The following PDLIM5 variants were observed in gnomAD, a reference collection of about 807,000 sequenced individuals.
PDLIM5 encodes PDZ and LIM domain protein 5.
PDLIM5 carries 34 observed loss-of-function variants against 64.2 expected under a neutral mutation model. The observed-to-expected ratio is 0.53, with a 90% CI of 0.40 to 0.71. The LOEUF is 0.71. PDLIM5 is among the 30% of genes least tolerant of loss of function. The pLI is 0.00. For synonymous variants in PDLIM5, 253 were observed against 269.1 expected (o/e 0.94, Z 0.59); for missense variants, 683 against 733.6 (o/e 0.93, Z 0.80).
chr4:94,521,870 C>T (rs887215919), intron 2 of PDLIM5, among the ~76,000 whole-genome samples: 3 of 151,868 alleles, frequency 2.0e-5, no homozygotes, highest in African/African-American at 7.3e-5. Context: ...AATGCCTGCC[C>T]TTCTTTGCTA....
At chr4:94,523,645 A>AT in intron 2 of PDLIM5, 79 bp from the exon 3 acceptor site, 14 of 1,068,554 alleles carry the variant, frequency 1.3e-5, no homozygotes, top group Non-Finnish European at 1.9e-5. Context: ...CTTTTGGTAT[A>AT]AGCAAAAGTA....
intron 3 of PDLIM5, among the ~76,000 whole-genome samples, chr4:94,561,724 G>C (rs762234402): frequency 4.4e-4 from 67 of 152,118 alleles, no homozygotes; most frequent in Non-Finnish European, 7.9e-4. Flanking sequence ...CTCCCACCAA[G>C]GAATCTAATA....
At chr4:94,557,401 C>T (rs1458192634) in intron 3 of PDLIM5, among the ~76,000 whole-genome samples, 7 of 152,012 alleles carry the variant, frequency 4.6e-5, no homozygotes, top group Non-Finnish European at 8.8e-5. Context: ...TGTTTTTTGG[C>T]TCCATATGAA....
chr4:94,584,752 C>T (rs911173434), intron 5 of PDLIM5: 16 of 458,024 alleles, frequency 3.5e-5, no homozygotes, highest in Non-Finnish European at 5.5e-5. Flanking sequence ...CATTTAATTT[C>T]GTGAAAGCCA....
At chr4:94,537,120 C>A (rs1340791491) in intron 3 of PDLIM5, among the ~76,000 whole-genome samples, 1 of 152,108 alleles carries the variant, frequency 6.6e-6, no homozygotes, top group East Asian at 1.9e-4. Flanking sequence ...AATGGTCTTT[C>A]ATTCATTTTT....
At chr4:94,626,796 G>GT (rs201279193) in intron 8 of PDLIM5, among the ~76,000 whole-genome samples, 2,154 of 142,342 alleles carry the variant, frequency 0.015, 33 homozygotes, top group African/African-American at 0.043. Flanking sequence ...GTGTTTTTTT[G>GT]TTTTTTTTTT....
At chr4:94,548,113 G>A (rs1732482915) in intron 3 of PDLIM5, among the ~76,000 whole-genome samples, 1 of 152,108 alleles carries the variant, frequency 6.6e-6, no homozygotes, top group Admixed American at 6.6e-5. Context: ...TTTTCTTGAT[G>A]CCAACTGTAC....
At chr4:94,607,147 G>C (rs1737995239) in intron 7 of PDLIM5, among the ~76,000 whole-genome samples, 1 of 151,838 alleles carries the variant, frequency 6.6e-6, no homozygotes, top group Non-Finnish European at 1.5e-5. Flanking sequence ...TCAACACTCT[G>C]GTAAAGGTAT....
chr4:94,628,291 A>G (rs1739861548), intron 8 of PDLIM5, among the ~76,000 whole-genome samples: 2 of 152,220 alleles, frequency 1.3e-5, no homozygotes, highest in South Asian at 2.1e-4. Flanking sequence ...ACCATAAAAT[A>G]GCTGACCTAC....
At chr4:94,637,256 G>A (rs1740646045) in intron 8 of PDLIM5, among the ~76,000 whole-genome samples, 1 of 152,108 alleles carries the variant, frequency 6.6e-6, no homozygotes, top group Non-Finnish European at 1.5e-5. Context: ...GCTGTTGTAA[G>A]GATTTAAGAA....
chr4:94,587,282 C>T, intron 7 of PDLIM5: 1 of 1,080,084 alleles, frequency 9.3e-7, no homozygotes. Flanking sequence ...AAATGTAAAA[C>T]CAAAAAAAAA....
intron 2 of PDLIM5, among the ~76,000 whole-genome samples, chr4:94,465,231 G>A (rs1239490800): frequency 6.6e-6 from 1 of 151,996 alleles, no homozygotes; most frequent in Admixed American, 6.5e-5. Context: ...GACTATTCCA[G>A]TTCAATTCGG....
intron 2 of PDLIM5, among the ~76,000 whole-genome samples, chr4:94,475,821 C>T (rs545500951): frequency 2.6e-4 from 40 of 152,150 alleles, no homozygotes; most frequent in South Asian, 2.1e-3. Flanking sequence ...CAAATTACCT[C>T]GGGGTTGTTT....
At position 94,666,860 on chromosome 4, in the gene PDLIM5, A is replaced by G. The variant is rs1014948096; in HGVS notation, c.*2793A>G. The G allele has an allele frequency of 6.6e-6, 1 of 152,180 alleles. No individual in the cohort carries two copies. Among genetic ancestry groups the G allele is most frequent in the African/African-American group, 2.4e-5 (1 of 41,434 alleles). 9.4% of individuals were successfully genotyped at this position (152,180 alleles called of 1,614,324 possible). On this transcript the variant is annotated 3_prime_UTR_variant, in exon 13 of 13. Coordinates refer to ENST00000317968, the MANE Select transcript of PDLIM5 (RefSeq NM_006457.5). ...CATCTCTTCCGTGGCGAAGCTTTATATCTGTTCCTAAAACAGTTAATCCTG... is the reference window on the plus strand; with the variant it reads ...CATCTCTTCCGTGGCGAAGCTTTATGTCTGTTCCTAAAACAGTTAATCCTG...
intron 2 of PDLIM5, among the ~76,000 whole-genome samples, chr4:94,505,783 A>G (rs141183457): frequency 0.014 from 2,180 of 152,312 alleles, 31 homozygotes; most frequent in Non-Finnish European, 0.02. Flanking sequence ...CAGCGCTTCT[A>G]TGCCCTTTCT....
intron 3 of PDLIM5, among the ~76,000 whole-genome samples, chr4:94,561,061 T>C (rs1487165704): frequency 6.6e-6 from 1 of 151,982 alleles, no homozygotes; most frequent in African/African-American, 2.4e-5. Context: ...TACCTATGAG[T>C]TGCTTGTCTT....
chr4:94,576,150 A>G, intron 5 of PDLIM5, 116 bp downstream of exon 5: 2 of 816,854 alleles, frequency 2.4e-6, no homozygotes, highest in Admixed American at 5.4e-5. Context: ...AGGGAGATGA[A>G]GTATTATTTG....
chr4:94,575,479 A>G (rs1168406887), intron 4 of PDLIM5, 137 bp from the exon 5 acceptor site: 1 of 617,018 alleles, frequency 1.6e-6, no homozygotes, highest in Non-Finnish European at 2.9e-6. Flanking sequence ...CATTGTTTTT[A>G]TCTGGAAACA....
intron 3 of PDLIM5, among the ~76,000 whole-genome samples, chr4:94,565,824 A>G (rs1734269606): frequency 6.6e-6 from 1 of 152,144 alleles, no homozygotes; most frequent in Admixed American, 6.5e-5. Flanking sequence ...GAAGAACTTA[A>G]TCTCTTATTT....
Sources: gnomAD v4.1 joint callset for allele counts (sites outside exome capture counted in the v4.1 genomes callset) on GRCh38, gnomAD v4.1.1 for gene constraint, MANE v1.5 for transcripts, NCBI Gene and HGNC (gene_info 2026-07-23, HGNC 2026-07-21) for gene names.